CLK2: variants seen among roughly 807,000 people sequenced by gnomAD.
CLK2 encodes the protein dual specificity protein kinase CLK2.
In CLK2, 12 loss-of-function variants were observed where a neutral mutation model predicts 73.5. The ratio of observed to expected loss-of-function variants is 0.16; its 90% confidence interval spans 0.10 to 0.26. The LOEUF (loss-of-function observed/expected upper bound fraction) is 0.26, where lower values mean the gene tolerates loss of function less well. CLK2 is among the 10% of genes least tolerant of loss of function. CLK2 has a pLI of 1.00. For missense variants in CLK2, 509 were observed against 688.4 expected, an observed-to-expected ratio of 0.74 and a Z score of 2.92; for synonymous variants, 232 against 237.9, an observed-to-expected ratio of 0.98 and a Z score of 0.23.
rs755167954 is a variant in CLK2 at position 155,269,496 on chromosome 1, A to G, written c.391T>C (p.Ser131Pro). ...RRRRSRTFSR[S>P]SSQHSSRRAK... ...CCTGGGCTGGCACTCACCGAAGATG[A>G]GCGGCTAAATGTCCGGCTGCGCCTC... Residue 131 changes from serine to proline, a missense_variant, in exon 3 of 13, where the codon TCA becomes CCA. Around this residue, in one of 6 missense-constraint regions of CLK2, gnomAD observed 222 missense variants for 221.7 expected, o/e 1.00. Coordinates refer to ENST00000368361, the MANE Select transcript of CLK2 (RefSeq NM_001294338.2). 3 of 1,613,626 alleles carry G rather than the reference A, an allele frequency of 1.9e-6. No individual in the cohort carries two copies. The highest frequency in any genetic ancestry group is 2.5e-6 in the Non-Finnish European group (3 of 1,180,024).
chr1:155,264,802 C>T (rs1673149616), intron 8 of CLK2, 28 bp from the exon 9 acceptor site: 1 of 1,610,874 alleles, frequency 6.2e-7, no homozygotes. Flanking sequence ...AGAGGATGAA[C>T]CTCTGCACCC....
Position 155,263,420 on chromosome 1 carries a change from A to G in CLK2, c.1318-20T>C, listed in dbSNP as rs1373751510. On this transcript the variant is annotated intron_variant, in intron 12 of 12. Coordinates refer to ENST00000368361, the MANE Select transcript of CLK2 (RefSeq NM_001294338.2). ...ATACCGCTGGTGGAGGAGGGCAGGA[A>G]AAAGGTGAGGCAGGATGCCTTACAA... The G allele has an allele frequency of 1.9e-6, 3 of 1,613,394 alleles. No homozygotes were observed. Among genetic ancestry groups the G allele is most frequent in the Non-Finnish European group, 2.5e-6 (3 of 1,179,896 alleles).
intron 10 of CLK2, 43 bp downstream of exon 10, chr1:155,264,425 T>G (rs1272132018): frequency 1.2e-6 from 2 of 1,608,564 alleles, no homozygotes; most frequent in South Asian, 2.2e-5. Context: ...AGGAACCAGG[T>G]AGAAGAATGC....
intron 6 of CLK2, among the ~76,000 whole-genome samples, chr1:155,267,282 G>A (rs568585914): frequency 3.9e-5 from 6 of 151,990 alleles, no homozygotes; most frequent in East Asian, 1.9e-4. Context: ...TAGTACAGAC[G>A]GGGTTTCACC....
At chr1:155,264,104 C>T in intron 11 of CLK2, 64 bp from the exon 12 acceptor site, 1 of 1,560,902 alleles carries the variant, frequency 6.4e-7, no homozygotes. Context: ...CTTATTTCCC[C>T]ATCTGAAAGT....
At chr1:155,264,447 G>C in intron 10 of CLK2, 21 bp downstream of exon 10, 1 of 1,613,020 alleles carries the variant, frequency 6.2e-7, no homozygotes, top group South Asian at 1.1e-5. Context: ...AGGCAGTCAA[G>C]TAAGACATCC....
chr1:155,271,097 A>G (rs761883304), intron 1 of CLK2, 120 bp from the exon 2 acceptor site: 7 of 988,536 alleles, frequency 7.1e-6, no homozygotes, highest in Non-Finnish European at 1.1e-5. Context: ...TCTTTTTACC[A>G]GGCACAACTT....
intron 3 of CLK2, 46 bp downstream of exon 3, chr1:155,269,442 G>C (rs1328505616): frequency 6.6e-7 from 1 of 1,525,070 alleles, no homozygotes. Flanking sequence ...AGTCCTAGAG[G>C]GCCTGCAGAA....
intron 12 of CLK2, 163 bp from the exon 13 acceptor site, chr1:155,263,563 C>T: frequency 1.0e-6 from 1 of 985,410 alleles, no homozygotes; most frequent in Non-Finnish European, 1.2e-6. Context: ...GATATTATAG[C>T]TCAACCTACC....
chr1:155,271,010 T>C, intron 1 of CLK2, 33 bp from the exon 2 acceptor site: 6 of 1,594,304 alleles, frequency 3.8e-6, no homozygotes, highest in Non-Finnish European at 5.2e-6. Flanking sequence ...AATAGGAAAG[T>C]TTCGAGTTTT....
intron 1 of CLK2, among the ~76,000 whole-genome samples, chr1:155,271,427 T>C (rs754537012): frequency 6.6e-6 from 1 of 152,230 alleles, no homozygotes; most frequent in Non-Finnish European, 1.5e-5. Flanking sequence ...GGTTTCACCA[T>C]GTTGGCCAGG....
chr1:155,264,148 AAAATGATGTGAAATAGACC>A, intron 11 of CLK2, 54 bp downstream of exon 11: 1 of 1,586,406 alleles, frequency 6.3e-7, no homozygotes, highest in Non-Finnish European at 8.7e-7. Flanking sequence ...AAGAAAAAAG[AAAATGATGTGAAATAGACC>A]AATTCTGTGG....
chr1:155,264,375 A>G, intron 10 of CLK2, 75 bp from the exon 11 acceptor site: 2 of 1,603,148 alleles, frequency 1.2e-6, no homozygotes, highest in Non-Finnish European at 1.7e-6. Context: ...AAGGCAGGCA[A>G]TGTGGAGAAC....
Position 155,265,869 on chromosome 1 carries a change from G to C in CLK2, c.924C>G (p.Asn308Lys). The C allele has an allele frequency of 6.2e-7, 1 of 1,605,594 alleles. No individual in the cohort carries two copies. The highest frequency in any genetic ancestry group is 8.5e-7 in the Non-Finnish European group (1 of 1,172,186). Residue 308 changes from asparagine to lysine, a missense_variant, in exon 8 of 13, where the codon AAC becomes AAG. By Grantham distance (94) the Asn-to-Lys change is moderately conservative. Coordinates refer to ENST00000368361, the MANE Select transcript of CLK2 (RefSeq NM_001294338.2). ...FVNSDYELTY[N>K]LEKKRDERSV... ...ACCCTATCCATCTTACCTTCTCTAG[G>C]TTGTAGGTGAGCTCATAGTCTGAAT...
chr1:155,267,158 G>A (rs1345249122), intron 6 of CLK2, among the ~76,000 whole-genome samples: 2 of 152,056 alleles, frequency 1.3e-5, no homozygotes, highest in African/African-American at 4.8e-5. Flanking sequence ...GCAGTGGCGC[G>A]ATCTTGGCTC....
rs1463821849 is a variant in CLK2 at position 155,268,222 on chromosome 1, T to A, written c.554+71A>T. 2.3e-5 allele frequency: 36 copies of A among 1,564,050 alleles called. No homozygotes were observed. The highest frequency in any genetic ancestry group is 3.1e-5 in the Non-Finnish European group (35 of 1,134,908). On this transcript the variant is annotated intron_variant, in intron 5 of 12. Transcript: ENST00000368361. The surrounding 1 kb of genome is among the most constrained non-coding windows in gnomAD (Gnocchi z 5.6). ...ACTAAGAAATTCTACCTCAGGTTAA[T>A]TAGCAAAAAAGCCCCATATAACCCC...
Position 155,266,728 on chromosome 1 carries a change from C to T in CLK2, c.838+1G>A. 1 of 1,611,330 alleles carries T rather than the reference C, an allele frequency of 6.2e-7. No individual in the cohort carries two copies. Among genetic ancestry groups the T allele is most frequent in the Non-Finnish European group, 8.5e-7 (1 of 1,179,186 alleles). On this transcript the variant is annotated splice_donor_variant, in intron 7 of 12. Transcript: ENST00000368361. LOFTEE classifies it high-confidence loss of function. ...AGTCCACTTCGGCCCACCCCACTCA[C>T]ACTTGACAGCCTGGCACAGCTGGAA...
At chr1:155,265,983 G>A (rs1301412925) in intron 7 of CLK2, 29 bp from the exon 8 acceptor site, 9 of 1,514,514 alleles carry the variant, frequency 5.9e-6, no homozygotes, top group Non-Finnish European at 7.3e-6. Context: ...GGTCAGGCTT[G>A]GTGCAGGTGG....
Position 155,263,345 on chromosome 1 carries a change from C to T in CLK2, c.1373G>A (p.Ser458Asn), listed in dbSNP as rs1673070963. 1 of 1,614,198 alleles carries T rather than the reference C, an allele frequency of 6.2e-7. No homozygotes were observed. The highest frequency in any genetic ancestry group is 1.3e-5 in the African/African-American group (1 of 75,070). Residue 458 changes from serine (S) to asparagine (N), a missense_variant, in exon 13 of 13, where the codon AGC becomes AAC. This residue lies in a region of CLK2 where 134 missense variants were observed against 146.0 expected (regional missense o/e 0.92). Coordinates refer to ENST00000368361, the MANE Select transcript of CLK2 (RefSeq NM_001294338.2). Reference sequence around the variant, plus strand: ...CTTAGCTGGTTCATACTCTAGCATGCTTTCAATCAGATCGAAGAGCTGGTG... The same window carrying T: ...CTTAGCTGGTTCATACTCTAGCATGTTTTCAATCAGATCGAAGAGCTGGTG... ...EHHQLFDLIE[S>N]MLEYEPAKRL...
Sources: gnomAD v4.1 joint callset for allele counts (sites outside exome capture counted in the v4.1 genomes callset) on GRCh38, gnomAD v4.1.1 for gene constraint, gnomAD v4.1.1 regional missense constraint, Gnocchi (gnomAD v3.1) non-coding constraint, MANE v1.5 for transcripts, NCBI Gene and HGNC (gene_info 2026-07-23, HGNC 2026-07-21) for gene names.